SLIT3: variants seen among roughly 807,000 people sequenced by gnomAD.
SLIT3 encodes slit homolog 3 protein.
SLIT3 carries 68 observed loss-of-function variants against 184.0 expected under a neutral mutation model. The observed-to-expected ratio is 0.37, with a 90% CI of 0.30 to 0.45. The LOEUF is 0.45. Ranked by LOEUF, SLIT3 falls within the 20% of genes least tolerant of loss-of-function variation. The pLI is 1.00. For missense variants in SLIT3, 1,707 were observed against 2,026.0 expected, an observed-to-expected ratio of 0.84 and a Z score of 3.02; for synonymous variants, 831 against 828.6, an observed-to-expected ratio of 1.00 and a Z score of -0.05.
intron 4 of SLIT3, among the ~76,000 whole-genome samples, chr5:169,009,486 C>G (rs1052145366): frequency 3.9e-5 from 6 of 152,242 alleles, no homozygotes; most frequent in Non-Finnish European, 8.8e-5. Flanking sequence ...CTGTCTGCAC[C>G]AGGCCCCCTG....
intron 4 of SLIT3, among the ~76,000 whole-genome samples, chr5:169,181,044 C>T (rs1279625245): frequency 6.6e-6 from 1 of 152,130 alleles, no homozygotes; most frequent in Non-Finnish European, 1.5e-5. Context: ...ACAGATCTGC[C>T]ACTATCATCT....
At chr5:168,856,255 G>C (rs546353788) in intron 5 of SLIT3, among the ~76,000 whole-genome samples, 2 of 152,324 alleles carry the variant, frequency 1.3e-5, no homozygotes, top group South Asian at 4.2e-4. Context: ...AGTGAAGCTT[G>C]CTCTTTCCAT....
At chr5:169,215,284 T>G (rs551163385) in intron 3 of SLIT3, among the ~76,000 whole-genome samples, 79 of 152,308 alleles carry the variant, frequency 5.2e-4, no homozygotes, top group Non-Finnish European at 8.1e-4. Flanking sequence ...TACTTTTTCC[T>G]TCTCCTCTAC....
intron 5 of SLIT3, among the ~76,000 whole-genome samples, chr5:168,852,758 C>G (rs1299802306): frequency 6.6e-6 from 1 of 152,178 alleles, no homozygotes; most frequent in African/African-American, 2.4e-5. Flanking sequence ...AAGTGGAAGA[C>G]TAGGGCTTGT....
At chr5:168,984,893 C>A (rs952529861) in intron 4 of SLIT3, among the ~76,000 whole-genome samples, 1 of 152,086 alleles carries the variant, frequency 6.6e-6, no homozygotes, top group African/African-American at 2.4e-5. Context: ...ATCAGGAGGT[C>A]TAAAGTAAGA....
intron 4 of SLIT3, among the ~76,000 whole-genome samples, chr5:168,994,368 C>T (rs928423423): frequency 6.6e-6 from 1 of 152,060 alleles, no homozygotes; most frequent in African/African-American, 2.4e-5. Flanking sequence ...TGACATTGTC[C>T]TATACATTTA....
chr5:168,808,517 A>G (rs1757053604), intron 8 of SLIT3, among the ~76,000 whole-genome samples: 1 of 152,216 alleles, frequency 6.6e-6, no homozygotes, highest in South Asian at 2.1e-4. Flanking sequence ...AGACGTCTTT[A>G]TTAGAATACA....
chr5:168,700,837 C>A lies in SLIT3; in HGVS notation c.2845-158G>T, dbSNP rs147441182. Reference sequence around the variant, plus strand: ...GCCTGCTGTGTGACTTGGAGCCCACCCATGGGAGCCCTAACCCCTAGTCAC... The same window carrying A: ...GCCTGCTGTGTGACTTGGAGCCCACACATGGGAGCCCTAACCCCTAGTCAC... On this transcript the variant is annotated intron_variant, in intron 26 of 35. Transcript: ENST00000519560. Among the ~76,000 whole-genome samples, 109 of 152,286 alleles carry A rather than the reference C, an allele frequency of 7.2e-4. No individual in the cohort carries two copies. In the East Asian group the frequency reaches 0.018, roughly 26 times the overall value.
At chr5:168,980,333 C>A (rs1253644492) in intron 4 of SLIT3, among the ~76,000 whole-genome samples, 3 of 152,088 alleles carry the variant, frequency 2.0e-5, no homozygotes, top group African/African-American at 7.2e-5. Flanking sequence ...GCTTGTACAC[C>A]ATTCCAAAAT....
intron 10 of SLIT3, among the ~76,000 whole-genome samples, chr5:168,792,738 A>G (rs974580672): frequency 1.3e-5 from 2 of 152,132 alleles, no homozygotes; most frequent in African/African-American, 4.8e-5. Context: ...AATTTGCAAG[A>G]CCGAGGGGCT....
intron 4 of SLIT3, among the ~76,000 whole-genome samples, chr5:168,956,533 C>T (rs568528256): frequency 4.1e-4 from 62 of 152,336 alleles, no homozygotes; most frequent in Non-Finnish European, 7.3e-4. Flanking sequence ...TGGTGGCTCA[C>T]ATCTGTAATC....
At chr5:169,006,351 T>C (rs1006401734) in intron 4 of SLIT3, among the ~76,000 whole-genome samples, 8 of 152,180 alleles carry the variant, frequency 5.3e-5, no homozygotes, top group African/African-American at 1.7e-4. Context: ...CAGATCTGGA[T>C]TGTATTCTAC....
intron 4 of SLIT3, among the ~76,000 whole-genome samples, chr5:168,952,725 T>G (rs910954916): frequency 6.6e-6 from 1 of 152,214 alleles, no homozygotes; most frequent in Non-Finnish European, 1.5e-5. Context: ...AATTGGAGGC[T>G]GTCTGCTCTT....
At chr5:168,995,166 A>G (rs1274034617) in intron 4 of SLIT3, among the ~76,000 whole-genome samples, 1 of 151,960 alleles carries the variant, frequency 6.6e-6, no homozygotes, top group Admixed American at 6.6e-5. Context: ...CAGCACGCAT[A>G]TTGCACCTTC....
At chr5:169,115,966 T>G (rs1760647912) in intron 4 of SLIT3, among the ~76,000 whole-genome samples, 2 of 152,106 alleles carry the variant, frequency 1.3e-5, no homozygotes, top group Non-Finnish European at 1.5e-5. Context: ...GGGTAGATAC[T>G]CTATAAAGCA....
intron 4 of SLIT3, chr5:169,030,531 C>T (rs931432960): frequency 1.3e-5 from 2 of 152,202 alleles, no homozygotes; most frequent in East Asian, 3.9e-4. Flanking sequence ...TGACCACCCA[C>T]CTAAATCCAT....
intron 4 of SLIT3, among the ~76,000 whole-genome samples, chr5:169,011,672 C>T (rs1477196580): frequency 2.0e-5 from 3 of 152,126 alleles, no homozygotes; most frequent in African/African-American, 7.2e-5. Context: ...TTTTACACAT[C>T]CTAAAATCTT....
At chr5:169,228,468 G>C (rs904234220) in intron 3 of SLIT3, among the ~76,000 whole-genome samples, 3 of 152,144 alleles carry the variant, frequency 2.0e-5, no homozygotes, top group African/African-American at 7.2e-5. Flanking sequence ...CACGGGTGCC[G>C]TCATCAGGGG....
At chr5:169,068,677 C>T (rs552479542) in intron 4 of SLIT3, among the ~76,000 whole-genome samples, 3 of 152,090 alleles carry the variant, frequency 2.0e-5, no homozygotes, top group Non-Finnish European at 4.4e-5. Context: ...TGCATGTAGG[C>T]CAACCCCCAG....
Sources: allele counts gnomAD v4.1 joint callset (sites outside exome capture counted in the v4.1 genomes callset), GRCh38; gene constraint gnomAD v4.1.1; transcripts MANE v1.5; gene names NCBI Gene and HGNC (gene_info 2026-07-23, HGNC 2026-07-21).